RPL3: variants seen among roughly 807,000 people sequenced by gnomAD.
RPL3 encodes ribosomal protein L3, also known as large ribosomal subunit protein uL3.
Under a neutral mutation model 46.0 loss-of-function variants are expected in RPL3, and 3 were observed. The observed-to-expected ratio is 0.07, with a 90% confidence interval of 0.03 to 0.17. The LOEUF (loss-of-function observed/expected upper bound fraction) is 0.17. RPL3 is among the 10% of genes least tolerant of loss of function. RPL3 has a pLI of 1.00. For synonymous variants in RPL3, 224 were observed against 190.8 expected (o/e 1.17, Z -1.43); for missense variants, 387 against 532.7 (o/e 0.73, Z 2.69).
chr22:39,319,303 G>A (rs1272962928), intron 1 of RPL3: 1 of 564,558 alleles, frequency 1.8e-6, no homozygotes, highest in African/African-American at 1.9e-5. Flanking sequence ...TAGAATTGGT[G>A]AGGTCGAAAC....
Position 39,313,323 on chromosome 22 carries a change from A to C in RPL3, c.1048-13T>G. 1 of 1,613,940 alleles carries C rather than the reference A, an allele frequency of 6.2e-7. No individual in the cohort carries two copies. Among genetic ancestry groups the C allele is most frequent in the Non-Finnish European group, 8.5e-7 (1 of 1,179,952 alleles). Reference sequence around the variant, plus strand: ...GCACCAGCAAGGACTATGGGCCAAGAGGGGAAGGGATTTAGGATTACGAGG... The same window carrying C: ...GCACCAGCAAGGACTATGGGCCAAGCGGGGAAGGGATTTAGGATTACGAGG... On this transcript the variant is annotated splice_polypyrimidine_tract_variant and intron_variant, in intron 8 of 9. Transcript: ENST00000216146.
At chr22:39,318,266 CGCA>C in intron 2 of RPL3, 131 bp downstream of exon 2, 1 of 818,006 alleles carries the variant, frequency 1.2e-6, no homozygotes, top group Non-Finnish European at 1.9e-6. Context: ...ATTCTGCTGT[CGCA>C]GCAGTTCTGA....
At chr22:39,319,217 G>A in intron 1 of RPL3, 1 of 520,318 alleles carries the variant, frequency 1.9e-6, no homozygotes, top group South Asian at 1.5e-5. Context: ...CTCCCAATGA[G>A]AACGGCGCCG....
At chr22:39,315,210 A>AAGGTC in intron 5 of RPL3, 159 bp downstream of exon 5, 3 of 1,093,828 alleles carry the variant, frequency 2.7e-6, no homozygotes, top group Non-Finnish European at 4.2e-6. Context: ...TTCTGACCAC[A>AAGGTC]AGGCTGTTCT....
rs763590806 is a variant in RPL3, at chr22:39,317,022, C to G, written c.366-181G>C. ...GCTCATCGGGCAGAGCCGAGCGGAG[C>G]TGAGCAGAGGTCCACAAGGTTAATT... On this transcript the variant is annotated intron_variant, in intron 3 of 9. Coordinates refer to ENST00000216146, the MANE Select transcript of RPL3 (RefSeq NM_000967.4). 3 of 870,528 alleles carry G rather than the reference C, an allele frequency of 3.4e-6. No homozygotes were observed. The South Asian group carries it at 4.6e-5, about 13-fold the overall frequency. 53.9% of individuals were successfully genotyped at this position (870,528 alleles called of 1,614,324 possible).
chr22:39,315,944 G>A (rs1922660641), intron 4 of RPL3, among the ~76,000 whole-genome samples: 1 of 152,174 alleles, frequency 6.6e-6, no homozygotes, highest in Admixed American at 6.5e-5. Flanking sequence ...CAAGCTCTAA[G>A]TAAGAAAATG....
At position 39,319,577 on chromosome 22, in the gene RPL3, C is replaced by T. The variant is rs1922927007; in HGVS notation, c.3+18G>A. 6.4e-7 allele frequency: 1 copy of T among 1,568,990 alleles called. No individual in the cohort carries two copies. Among genetic ancestry groups the T allele is most frequent in the Non-Finnish European group, 8.6e-7 (1 of 1,156,490 alleles). ...CCGACGCCGGTGACAATGAAACGGCCGCCATTACAACACATACCATCACGC... is the reference window on the plus strand; with the variant it reads ...CCGACGCCGGTGACAATGAAACGGCTGCCATTACAACACATACCATCACGC... On this transcript the variant is annotated intron_variant, in intron 1 of 9. Coordinates refer to ENST00000216146, the MANE Select transcript of RPL3 (RefSeq NM_000967.4).
At chr22:39,314,627 C>G in intron 6 of RPL3, 59 bp downstream of exon 6, 2 of 1,548,442 alleles carry the variant, frequency 1.3e-6, no homozygotes, top group Admixed American at 3.8e-5. Context: ...GCACAGAAAC[C>G]CCACTCCCCA....
intron 9 of RPL3, 25 bp downstream of exon 9, chr22:39,313,166 G>T: frequency 6.2e-7 from 1 of 1,605,444 alleles, no homozygotes; most frequent in Non-Finnish European, 8.5e-7. Flanking sequence ...CACACCCAGC[G>T]AGGGGGGCAG....
intron 5 of RPL3, 114 bp from the exon 6 acceptor site, chr22:39,314,960 T>G: frequency 1.4e-6 from 2 of 1,433,370 alleles, no homozygotes; most frequent in East Asian, 4.6e-5. Context: ...GATAAGATTA[T>G]TTCATGTGCA....
At chr22:39,314,452 G>T in intron 6 of RPL3, 2 of 631,066 alleles carry the variant, frequency 3.2e-6, no homozygotes, top group Admixed American at 2.9e-5. Flanking sequence ...TGGCATCAGG[G>T]ACCAATAAGA....
intron 7 of RPL3, 124 bp from the exon 8 acceptor site, chr22:39,313,853 C>T: frequency 1.0e-6 from 1 of 979,454 alleles, no homozygotes. Flanking sequence ...AGGAACGGTT[C>T]CGCAGTCTGT....
intron 3 of RPL3, 171 bp downstream of exon 3, chr22:39,317,290 A>G (rs543686594): frequency 2.6e-6 from 2 of 764,618 alleles, no homozygotes; most frequent in South Asian, 3.9e-5. Flanking sequence ...TCCGGCTGAA[A>G]CCAGATGGCT....
chr22:39,314,614 C>A, intron 6 of RPL3, 72 bp downstream of exon 6: 1 of 1,510,026 alleles, frequency 6.6e-7, no homozygotes, highest in Non-Finnish European at 9.0e-7. Flanking sequence ...GCAGCACTGA[C>A]AGGCACAGAA....
chr22:39,317,012 C>A, intron 3 of RPL3, 171 bp from the exon 4 acceptor site: 2 of 961,612 alleles, frequency 2.1e-6, no homozygotes, highest in South Asian at 2.8e-5. Context: ...TCGGGCAGAG[C>A]CGAGCGGAGC....
Position 39,313,210 on chromosome 22 carries a change from T to C in RPL3, c.1148A>G (p.Glu383Gly). ...KFGHGRFQTM[E>G]EKKAFMGPLK... is the part of the protein sequence containing the mutation. ...GCTCACCATGAATGCTTTCTTCTCC[T>C]CCATGGTCTGGAAGCGGCCATGGCC... The change falls in exon 9 of 10, where the codon GAG becomes GGG. Residue 383 changes from glutamate to glycine, a missense_variant. Around this residue, in one of 5 missense-constraint regions of RPL3, gnomAD observed 131 missense variants for 185.1 expected, o/e 0.71. Coordinates refer to ENST00000216146, the MANE Select transcript of RPL3 (RefSeq NM_000967.4). 1 of 1,609,032 alleles carries C rather than the reference T, an allele frequency of 6.2e-7. No individual in the cohort carries two copies.
Position 39,312,966 on chromosome 22 carries a change from G to A in RPL3, c.1186C>T (p.Arg396Ter), listed in dbSNP as rs1922451179. The change falls in exon 10 of 10, where the codon CGA becomes TGA. Residue 396 changes from arginine (R) to a stop codon, truncating the protein, a stop_gained. Transcript: ENST00000216146. LOFTEE classifies it high-confidence loss of function. ...TAAGCTCCTTCTTCCTTTGCAATTC[G>A]GTCTTTCTTCAGTGGTCCCTGTGGG... The part of the protein sequence containing the change: ...KAFMGPLKKD[R>*]IAKEEGA 1.2e-6 allele frequency: 2 copies of A among 1,613,982 alleles called. No individual in the cohort carries two copies. The highest frequency in any genetic ancestry group is 1.3e-5 in the African/African-American group (1 of 74,896).
chr22:39,317,432 G>A, intron 3 of RPL3, 29 bp downstream of exon 3: 3 of 1,603,992 alleles, frequency 1.9e-6, no homozygotes, highest in Non-Finnish European at 2.6e-6. Flanking sequence ...AAGCTCCCAA[G>A]CTAGGGACTG....
At chr22:39,314,066 G>A (rs1922526471) in intron 7 of RPL3, 41 bp downstream of exon 7, 3 of 1,562,556 alleles carry the variant, frequency 1.9e-6, no homozygotes, top group Non-Finnish European at 2.6e-6. Context: ...AAAAGCACGA[G>A]GCCTGGGATG....
Sources: allele counts gnomAD v4.1 joint callset (sites outside exome capture counted in the v4.1 genomes callset), GRCh38; gene constraint gnomAD v4.1.1; regional missense constraint gnomAD v4.1.1; transcripts MANE v1.5; gene names NCBI Gene and HGNC (gene_info 2026-07-23, HGNC 2026-07-21).